Variants in ROBO1 observed in about 807,000 individuals in gnomAD.
The protein encoded by ROBO1 is roundabout guidance receptor 1, also known as roundabout homolog 1.
A neutral mutation model predicts 195.9 loss-of-function variants in ROBO1; 149 were observed. The ratio of observed to expected loss-of-function variants is 0.76; its 90% CI spans 0.67 to 0.87. The LOEUF is 0.87. ROBO1 is among the 40% of genes least tolerant of loss of function. ROBO1 has a pLI of 0.00. For synonymous variants in ROBO1, 816 were observed against 733.2 expected (o/e 1.11, Z -1.82); for missense variants, 1,933 against 2,068.3 (o/e 0.93, Z 1.27).
intron 4 of ROBO1, among the ~76,000 whole-genome samples, chr3:78,921,055 A>C (rs1247178337): frequency 6.6e-6 from 1 of 152,110 alleles, no homozygotes; most frequent in Non-Finnish European, 1.5e-5. Flanking sequence ...TACCTACTTC[A>C]CTGAATTGTT....
intron 1 of ROBO1, among the ~76,000 whole-genome samples, chr3:79,658,950 T>C (rs1946249722): frequency 6.6e-6 from 1 of 152,010 alleles, no homozygotes; most frequent in Admixed American, 6.6e-5. Context: ...TTGGCCAGGC[T>C]GGTCTTGAAC....
chr3:79,574,753 T>C (rs1943395471), intron 2 of ROBO1, among the ~76,000 whole-genome samples: 1 of 151,858 alleles, frequency 6.6e-6, no homozygotes, highest in Non-Finnish European at 1.5e-5. Flanking sequence ...ATAAATTTAA[T>C]TAAATGTATC....
chr3:79,592,300 A>T (rs1486775453), intron 1 of ROBO1, among the ~76,000 whole-genome samples: 1 of 151,950 alleles, frequency 6.6e-6, no homozygotes, highest in Non-Finnish European at 1.5e-5. Context: ...CCCCCAAGTT[A>T]TATTATTCAA....
intron 5 of ROBO1, among the ~76,000 whole-genome samples, chr3:78,720,851 A>T (rs1420886978): frequency 6.6e-6 from 1 of 151,652 alleles, no homozygotes; most frequent in East Asian, 1.9e-4. Flanking sequence ...AGAACAAAAA[A>T]CCAAACACCA....
intron 2 of ROBO1, among the ~76,000 whole-genome samples, chr3:79,552,194 G>A (rs9867071): frequency 0.14 from 21,963 of 151,756 alleles, 2,031 homozygotes; most frequent in African/African-American, 0.25. Context: ...GCACACAGGC[G>A]ACCTCTGCTG....
chr3:78,762,628 A>G (rs995944773), intron 4 of ROBO1, among the ~76,000 whole-genome samples: 1 of 152,006 alleles, frequency 6.6e-6, no homozygotes, highest in Non-Finnish European at 1.5e-5. Context: ...AACTATAGAG[A>G]AACTTTACTT....
At chr3:78,836,512 CA>C in intron 4 of ROBO1, among the ~76,000 whole-genome samples, 1 of 122,358 alleles carries the variant, frequency 8.2e-6, no homozygotes, top group African/African-American at 3.3e-5. Context: ...ACTCTGTCTC[CA>C]AAAAAAAAAA....
chr3:79,055,489 A>G (rs2108381667), intron 3 of ROBO1, among the ~76,000 whole-genome samples: 1 of 152,174 alleles, frequency 6.6e-6, no homozygotes, highest in African/African-American at 2.4e-5. Flanking sequence ...AGGTGGTGGA[A>G]AAGCTGATGA....
intron 2 of ROBO1, among the ~76,000 whole-genome samples, chr3:79,285,319 A>G (rs1351275435): frequency 6.6e-6 from 1 of 152,228 alleles, no homozygotes; most frequent in Non-Finnish European, 1.5e-5. Flanking sequence ...AACCTCTGCA[A>G]TGTTTTCCTT....
chr3:79,062,620 T>C (rs183924487), intron 3 of ROBO1, among the ~76,000 whole-genome samples: 30 of 152,284 alleles, frequency 2.0e-4, no homozygotes, highest in African/African-American at 6.5e-4. Context: ...AATGATGGAC[T>C]GGATTAAGAA....
At chr3:79,550,183 GAAAGAAAGAAAGGAAAAGAAAA>G (rs1177857757) in intron 2 of ROBO1, among the ~76,000 whole-genome samples, 1 of 82,814 alleles carries the variant, frequency 1.2e-5, no homozygotes, top group Non-Finnish European at 2.2e-5. Flanking sequence ...AAGAAAGAAA[GAAAGAAAGAAAGGAAAAGAAAA>G]GAAAAGAAAA....
At chr3:78,896,547 C>T (rs527315082) in intron 4 of ROBO1, among the ~76,000 whole-genome samples, 70 of 150,978 alleles carry the variant, frequency 4.6e-4, no homozygotes, top group African/African-American at 1.7e-3. Flanking sequence ...CTAACTCCAC[C>T]GACTATCCCC....
intron 3 of ROBO1, among the ~76,000 whole-genome samples, chr3:79,030,768 C>A (rs2078281261): frequency 6.6e-6 from 1 of 152,140 alleles, no homozygotes; most frequent in South Asian, 2.1e-4. Context: ...GTCGACCAGG[C>A]TGGAGTGCAA....
chr3:78,759,935 G>C (rs1341298242), intron 4 of ROBO1, among the ~76,000 whole-genome samples: 1 of 152,172 alleles, frequency 6.6e-6, no homozygotes, highest in Non-Finnish European at 1.5e-5. Flanking sequence ...TATCTATGGA[G>C]AGTGAGAATC....
intron 3 of ROBO1, among the ~76,000 whole-genome samples, chr3:79,074,469 G>A (rs1324433662): frequency 3.3e-5 from 5 of 151,748 alleles, no homozygotes; most frequent in Admixed American, 6.6e-5. Flanking sequence ...TGCCTAGCTT[G>A]GAGTTCAATG....
At chr3:79,152,066 G>A (rs866256841) in intron 2 of ROBO1, among the ~76,000 whole-genome samples, 4 of 151,602 alleles carry the variant, frequency 2.6e-5, no homozygotes, top group African/African-American at 4.8e-5. Context: ...TATAAACTTC[G>A]TAAGAACAAG....
chr3:79,552,242 T>C (rs1163345010), intron 2 of ROBO1, among the ~76,000 whole-genome samples: 2 of 151,994 alleles, frequency 1.3e-5, no homozygotes, highest in Admixed American at 6.6e-5. Flanking sequence ...CTATATCTCT[T>C]GAATATTCAT....
intron 18 of ROBO1, among the ~76,000 whole-genome samples, chr3:78,656,881 A>G (rs1200259952): frequency 1.3e-5 from 2 of 152,198 alleles, no homozygotes; most frequent in Non-Finnish European, 2.9e-5. Context: ...ACGTCCATAT[A>G]TCTACATCTA....
At position 78,838,301 on chromosome 3, in the gene ROBO1, C is replaced by A. The variant is rs1269818179; in HGVS notation, c.500-91401G>T. Among the ~76,000 whole-genome samples the A allele has an allele frequency of 2.6e-5, 4 of 152,312 alleles. No individual in the cohort carries two copies. The South Asian group carries it at 8.3e-4, about 32-fold the overall frequency. On this transcript the variant is annotated intron_variant, in intron 4 of 30. Coordinates refer to ENST00000464233, the MANE Select transcript of ROBO1 (RefSeq NM_002941.4). ...TGGCACTGATCACAATCTACGTGTACTTCAGGATGAATACATGACCAACAA... is the reference window on the plus strand; with the variant it reads ...TGGCACTGATCACAATCTACGTGTAATTCAGGATGAATACATGACCAACAA...
Sources: gnomAD v4.1 joint callset for allele counts (sites outside exome capture counted in the v4.1 genomes callset) on GRCh38, gnomAD v4.1.1 for gene constraint, MANE v1.5 for transcripts, NCBI Gene and HGNC (gene_info 2026-07-23, HGNC 2026-07-21) for gene names.